The following CNN1 variants were observed in gnomAD, a reference collection of about 807,000 sequenced individuals.
The protein encoded by CNN1 is calponin-1.
Under a neutral mutation model 35.3 loss-of-function variants are expected in CNN1, and 21 were observed. That is an observed-to-expected ratio of 0.60 (90% CI 0.42 to 0.86). The LOEUF (loss-of-function observed/expected upper bound fraction) is 0.86. CNN1 is among the 40% of genes least tolerant of loss of function. CNN1 has a pLI of 0.00. For missense variants in CNN1, 314 were observed against 400.8 expected (o/e 0.78, Z 1.85); for synonymous variants, 164 against 161.8 (o/e 1.01, Z -0.10).
intron 1 of CNN1, chr19:11,539,604 C>A: frequency 3.7e-6 from 3 of 805,132 alleles, no homozygotes; most frequent in Non-Finnish European, 5.3e-6. Flanking sequence ...ACCCCCCATA[C>A]ACCAGGATGG....
Position 11,549,667 on chromosome 19 carries a change from C to A in CNN1, c.766C>A (p.Arg256=), listed in dbSNP as rs570474230. Residue 256 remains arginine (R), a synonymous_variant, in exon 7 of 7, where the codon CGG becomes AGG. Coordinates refer to ENST00000252456, the MANE Select transcript of CNN1 (RefSeq NM_001299.6). This position sits in a 1 kb window ranked among gnomAD's most constrained non-coding sequence, Gnocchi z 5.2. ...QMGSNKGASQ[R]GMTVYGLPRQ... ...GGGCAGCAACAAGGGCGCCTCGCAG[C>A]GGGGCATGACGGTGTATGGGCTGCC... The A allele has an allele frequency of 1.9e-6, 3 of 1,613,966 alleles. No individual in the cohort carries two copies. Among genetic ancestry groups the A allele is most frequent in the African/African-American group, 2.7e-5 (2 of 74,954 alleles).
In CNN1 at chr19:11,543,105, C is replaced by A. The variant is rs533671044; in HGVS notation, c.185+1908C>A. Among the ~76,000 whole-genome samples, 815 of 152,234 alleles carry A rather than the reference C, an allele frequency of 5.4e-3. 6 individuals carry two copies. The highest frequency in any genetic ancestry group is 6.3e-3 in the Non-Finnish European group (430 of 68,002). On this transcript the variant is annotated intron_variant, in intron 2 of 6. Coordinates refer to ENST00000252456, the MANE Select transcript of CNN1 (RefSeq NM_001299.6). ...GTGGGGAGGTAGGCATGCTGGTGTC[C>A]CAGCTCAGGCAGAGGACTGCTCAGA...
rs150521786 is a variant in CNN1, at chr19:11,538,942, C to G, written c.15C>G (p.His5Gln). ...CACCGGCCAGCATGTCCTCTGCTCACTTCAACCGAGGCCCTGCCTACGGGC... is the reference window on the plus strand; with the variant it reads ...CACCGGCCAGCATGTCCTCTGCTCAGTTCAACCGAGGCCCTGCCTACGGGC... MSSA[H>Q]FNRGPAYGLS... The change falls in exon 1 of 7, where the codon CAC (histidine) becomes CAG (glutamine). Residue 5 changes from histidine (H) to glutamine (Q), a missense_variant. Physicochemically the swap from His to Gln is conservative, Grantham distance 24 (BLOSUM62 0). Coordinates refer to ENST00000252456, the MANE Select transcript of CNN1 (RefSeq NM_001299.6). 7.5e-5 allele frequency: 120 copies of G among 1,595,252 alleles called. No individual in the cohort carries two copies. The African/African-American group carries it at 1.4e-3, about 19-fold the overall frequency.
chr19:11,541,900 G>GT (rs58942484), intron 2 of CNN1: 9,434 of 94,434 alleles, frequency 0.1, 901 homozygotes, highest in African/African-American at 0.24. Context: ...GTTAATTTTT[G>GT]TTTTTTTTTT....
At chr19:11,539,870 C>G in intron 1 of CNN1, 1 of 1,163,110 alleles carries the variant, frequency 8.6e-7, no homozygotes. Flanking sequence ...CGCCCTCCTC[C>G]CCCCCAGCGC....
intron 2 of CNN1, chr19:11,542,067 T>A (rs1240012110): frequency 1.4e-5 from 2 of 145,320 alleles, no homozygotes; most frequent in Non-Finnish European, 3.0e-5. Flanking sequence ...TTTTTTTTTT[T>A]AGTAGAGACA....
intron 5 of CNN1, among the ~76,000 whole-genome samples, chr19:11,548,183 A>G (rs1207710555): frequency 6.6e-6 from 1 of 152,152 alleles, no homozygotes; most frequent in African/African-American, 2.4e-5. Context: ...GGCAGGCTGG[A>G]ACTTCAATGC....
intron 5 of CNN1, among the ~76,000 whole-genome samples, chr19:11,548,836 C>CAAATA (rs1165397078): frequency 1.3e-5 from 2 of 151,496 alleles, no homozygotes; most frequent in East Asian, 1.9e-4. Flanking sequence ...GATGCTATCT[C>CAAATA]AAATAAAATA....
In CNN1 at chr19:11,541,132, G is replaced by T. The variant is rs758702735; in HGVS notation, c.120G>T (p.Gly40=). Residue 40 remains glycine, a synonymous_variant, in exon 2 of 7, where the codon GGG becomes GGT. Transcript: ENST00000252456. ...REQELREWIE[G]VTGRRIGNNF... ...AGGAGCTGAGAGAGTGGATCGAGGGGGTGACAGGCCGTCGCATCGGCAACA... is the reference window on the plus strand; with the variant it reads ...AGGAGCTGAGAGAGTGGATCGAGGGTGTGACAGGCCGTCGCATCGGCAACA... 2 of 1,609,108 alleles carry T rather than the reference G, an allele frequency of 1.2e-6. No homozygotes were observed. Among genetic ancestry groups the T allele is most frequent in the Non-Finnish European group, 8.5e-7 (1 of 1,177,662 alleles).
chr19:11,543,059 C>G (rs986413921), intron 2 of CNN1, among the ~76,000 whole-genome samples: 1 of 152,170 alleles, frequency 6.6e-6, no homozygotes, highest in Non-Finnish European at 1.5e-5. Context: ...TTCCCATCCA[C>G]TAGGAACAAG....
intron 2 of CNN1, among the ~76,000 whole-genome samples, chr19:11,542,563 C>T (rs1222249387): frequency 6.6e-6 from 1 of 151,734 alleles, no homozygotes; most frequent in Admixed American, 6.6e-5. Flanking sequence ...CTCCCAAGCC[C>T]CAGTTCCACT....
chr19:11,539,155 C>T (rs1292718254), intron 1 of CNN1, 165 bp downstream of exon 1: 4 of 1,099,508 alleles, frequency 3.6e-6, no homozygotes, highest in Non-Finnish European at 4.8e-6. Context: ...CCCTGAACAT[C>T]CCGGAGCCCC....
rs770011618 is a variant in CNN1 at position 11,547,918 on chromosome 19, G to C, written c.501+11G>C. On this transcript the variant is annotated intron_variant, in intron 5 of 6. Coordinates refer to ENST00000252456, the MANE Select transcript of CNN1 (RefSeq NM_001299.6). ...ATCATTGGGCTGCAGGTACCGCCCT[G>C]TCCTCACTGCGCAGAGGTCATAGAG... The C allele has an allele frequency of 6.2e-7, 1 of 1,609,584 alleles. No homozygotes were observed. The highest frequency in any genetic ancestry group is 1.1e-5 in the South Asian group (1 of 90,662).
In CNN1 at chr19:11,549,694, C is replaced by T. The variant is rs1479342503; in HGVS notation, c.793C>T (p.Arg265Cys). The T allele has an allele frequency of 1.2e-6, 2 of 1,614,248 alleles. No homozygotes were observed. Among genetic ancestry groups the T allele is most frequent in the South Asian group, 1.1e-5 (1 of 91,088 alleles). Residue 265 changes from arginine to cysteine, a missense_variant, in exon 7 of 7, where the codon CGC (arginine) becomes TGC (cysteine). By Grantham distance (180) the Arg-to-Cys change is radical (BLOSUM62 -3). Coordinates refer to ENST00000252456, the MANE Select transcript of CNN1 (RefSeq NM_001299.6). The surrounding 1 kb of genome is among the most constrained non-coding windows in gnomAD (Gnocchi z 5.2). ...QRGMTVYGLPRQVYDPKYCLT... is the reference protein window; with the variant it reads ...QRGMTVYGLPCQVYDPKYCLT... ...GGGCATGACGGTGTATGGGCTGCCACGCCAGGTCTACGACCCCAAGTACTG... is the reference window on the plus strand; with the variant it reads ...GGGCATGACGGTGTATGGGCTGCCATGCCAGGTCTACGACCCCAAGTACTG...
intron 2 of CNN1, among the ~76,000 whole-genome samples, chr19:11,546,093 T>C (rs1210144316): frequency 6.6e-6 from 1 of 152,176 alleles, no homozygotes; most frequent in African/African-American, 2.4e-5. Flanking sequence ...CGCCTGCCAG[T>C]GAGGCTTCGG....
chr19:11,548,850 TAAAAC>T (rs1159740950), intron 5 of CNN1, among the ~76,000 whole-genome samples: 1 of 150,214 alleles, frequency 6.7e-6, no homozygotes, highest in Non-Finnish European at 1.5e-5. Context: ...TAAAATAAAA[TAAAAC>T]AAAAAAATAG....
Position 11,544,703 on chromosome 19 carries a change from A to AT in CNN1, c.186-1971dup, listed in dbSNP as rs1972543402. 2.5e-5 allele frequency among the ~76,000 whole-genome samples: 3 copies of AT among 122,402 alleles called. No individual in the cohort carries two copies. The South Asian group carries it at 7.7e-4, about 31-fold the overall frequency. The allele number at this position is 122,402 out of a possible 152,430, so 80.3% of individuals were successfully genotyped here. On this transcript the variant is annotated intron_variant, in intron 2 of 6. Transcript: ENST00000252456. ...TTTTTGTAGAGACACGGGTCTCACC[A>AT]TGTTGCCCAGGCTGATCTGAAACTC...
At chr19:11,546,125 A>C (rs1972576263) in intron 2 of CNN1, among the ~76,000 whole-genome samples, 1 of 152,112 alleles carries the variant, frequency 6.6e-6, no homozygotes, top group East Asian at 1.9e-4. Flanking sequence ...ACTCGGACAC[A>C]CCTTGGATAA....
At chr19:11,539,912 A>G (rs1220043725) in intron 1 of CNN1, 3 of 1,120,460 alleles carry the variant, frequency 2.7e-6, no homozygotes, top group African/African-American at 1.7e-5. Flanking sequence ...CCGCGCAGAG[A>G]CGCCGCGCCT....
Sources: gnomAD v4.1 joint callset for allele counts (sites outside exome capture counted in the v4.1 genomes callset) on GRCh38, gnomAD v4.1.1 for gene constraint, Gnocchi (gnomAD v3.1) non-coding constraint, MANE v1.5 for transcripts, NCBI Gene and HGNC (gene_info 2026-07-23, HGNC 2026-07-21) for gene names.